The following WWC2 variants were observed in gnomAD, a reference collection of about 807,000 sequenced individuals.
WWC2 encodes the protein protein WWC2.
WWC2 carries 101 observed loss-of-function variants against 138.5 expected under a neutral mutation model. The observed-to-expected ratio is 0.73, with a 90% CI of 0.62 to 0.86. The LOEUF (loss-of-function observed/expected upper bound fraction) is 0.86, where lower values mean the gene tolerates loss of function less well. WWC2 is among the 40% of genes least tolerant of loss of function. WWC2 has a pLI of 0.00. For missense variants in WWC2, 1,420 were observed against 1,419.4 expected, an observed-to-expected ratio of 1.00 and a Z score of -0.01; for synonymous variants, 558 against 538.4, an observed-to-expected ratio of 1.04 and a Z score of -0.50.
At chr4:183,136,088 G>C (rs1249397340) in intron 1 of WWC2, among the ~76,000 whole-genome samples, 12 of 152,034 alleles carry the variant, frequency 7.9e-5, no homozygotes, top group Admixed American at 7.9e-4. Flanking sequence ...TATGGGTATA[G>C]ATTGCTTTCT....
intron 1 of WWC2, among the ~76,000 whole-genome samples, chr4:183,182,561 G>C (rs1020906281): frequency 2.0e-5 from 3 of 150,590 alleles, no homozygotes; most frequent in African/African-American, 7.5e-5. Flanking sequence ...AAGAGGTTCA[G>C]GTTAAAGTGT....
chr4:183,213,363 C>T (rs771330561), intron 4 of WWC2, among the ~76,000 whole-genome samples: 2 of 152,164 alleles, frequency 1.3e-5, no homozygotes, highest in South Asian at 2.1e-4. Flanking sequence ...GAATTAATGC[C>T]GTAGGAGTAG....
chr4:183,144,400 A>G (rs1295031099), intron 1 of WWC2, among the ~76,000 whole-genome samples: 1 of 151,206 alleles, frequency 6.6e-6, no homozygotes, highest in Non-Finnish European at 1.5e-5. Context: ...AAAAAACTGC[A>G]TTTTTTTTTA....
At chr4:183,230,268 A>G (rs979110849) in intron 4 of WWC2, among the ~76,000 whole-genome samples, 2 of 152,096 alleles carry the variant, frequency 1.3e-5, no homozygotes, top group African/African-American at 4.8e-5. Context: ...TGTTGGAGAA[A>G]AACTTAAAGC....
chr4:183,206,311 G>A (rs1185713452), intron 2 of WWC2, among the ~76,000 whole-genome samples: 3 of 151,826 alleles, frequency 2.0e-5, no homozygotes, highest in African/African-American at 7.3e-5. Context: ...TTAACCTTTT[G>A]TGTATCAAGC....
intron 1 of WWC2, among the ~76,000 whole-genome samples, chr4:183,184,302 T>G (rs1734731123): frequency 6.6e-6 from 1 of 152,232 alleles, no homozygotes; most frequent in South Asian, 2.1e-4. Flanking sequence ...GTAGCATGTA[T>G]AAGTACTTCA....
At chr4:183,161,863 T>C (rs1310780409) in intron 1 of WWC2, among the ~76,000 whole-genome samples, 7 of 152,192 alleles carry the variant, frequency 4.6e-5, no homozygotes, top group African/African-American at 1.7e-4. Context: ...AATATATCTC[T>C]GTTACTAAGC....
At chr4:183,243,790 T>C (rs7691096) in intron 5 of WWC2, among the ~76,000 whole-genome samples, 3,545 of 142,384 alleles carry the variant, frequency 0.025, 145 homozygotes, top group African/African-American at 0.087. Context: ...TGTGTGTGTG[T>C]GCATGTGTTT....
intron 11 of WWC2, 88 bp downstream of exon 11, chr4:183,261,620 G>T: frequency 2.2e-6 from 3 of 1,393,636 alleles, no homozygotes; most frequent in Non-Finnish European, 1.9e-6. Flanking sequence ...TAAACAAAGG[G>T]TATGATTCCC....
chr4:183,284,045 A>G (rs1010772913), intron 18 of WWC2, among the ~76,000 whole-genome samples, 181 bp from the exon 19 acceptor site: 3 of 152,150 alleles, frequency 2.0e-5, no homozygotes, highest in Non-Finnish European at 2.9e-5. Flanking sequence ...CTGAAGAACA[A>G]TTCTCCCCAG....
intron 1 of WWC2, among the ~76,000 whole-genome samples, chr4:183,138,786 GT>G (rs538463574): frequency 6.6e-6 from 1 of 151,912 alleles, no homozygotes; most frequent in African/African-American, 2.4e-5. Flanking sequence ...CAAGTTTTTT[GT>G]TTTTTTGTTT....
At chr4:183,222,177 G>A (rs1037273264) in intron 4 of WWC2, among the ~76,000 whole-genome samples, 9 of 152,050 alleles carry the variant, frequency 5.9e-5, no homozygotes, top group Non-Finnish European at 1.0e-4. Flanking sequence ...TTTTGTTGTC[G>A]TCCTGGTGGT....
intron 1 of WWC2, among the ~76,000 whole-genome samples, chr4:183,136,960 G>T (rs1733135071): frequency 6.7e-6 from 1 of 148,230 alleles, no homozygotes; most frequent in African/African-American, 2.4e-5. Context: ...GCATGTGATT[G>T]TACTGAATAC....
At position 183,243,790 on chromosome 4, in the gene WWC2, T is replaced by TGC. The variant is rs1553970801; in HGVS notation, c.603-1625_603-1624dup. 1.1e-4 allele frequency among the ~76,000 whole-genome samples: 15 copies of TGC among 142,394 alleles called. No individual in the cohort carries two copies. In the East Asian group the frequency reaches 2.5e-3, roughly 24 times the overall value. 93.4% of individuals were successfully genotyped at this position (142,394 alleles called of 152,430 possible). ...GTGTGTGTGTGTGTGTGTGTGTGTG[T>TGC]GCATGTGTTTAATCTGTGACTTGAT... On this transcript the variant is annotated intron_variant, in intron 5 of 22. Coordinates refer to ENST00000403733, the MANE Select transcript of WWC2 (RefSeq NM_024949.6).
chr4:183,186,364 AGT>A (rs1734800626), intron 1 of WWC2, among the ~76,000 whole-genome samples: 1 of 152,160 alleles, frequency 6.6e-6, no homozygotes, highest in African/African-American at 2.4e-5. Context: ...GTCTTTCAAG[AGT>A]GTATTCGTGA....
intron 4 of WWC2, among the ~76,000 whole-genome samples, chr4:183,232,758 C>G (rs2111291983): frequency 6.6e-6 from 1 of 152,294 alleles, no homozygotes; most frequent in South Asian, 2.1e-4. Context: ...AGTGATTCTC[C>G]TGTCTCAGCC....
chr4:183,147,917 A>G (rs1733510123), intron 1 of WWC2, among the ~76,000 whole-genome samples: 2 of 152,236 alleles, frequency 1.3e-5, no homozygotes, highest in African/African-American at 4.8e-5. Context: ...TTCAAAATGA[A>G]TGGCAACAGC....
At chr4:183,250,415 G>A (rs1736941910) in intron 8 of WWC2, among the ~76,000 whole-genome samples, 2 of 152,256 alleles carry the variant, frequency 1.3e-5, no homozygotes, top group South Asian at 4.2e-4. Flanking sequence ...TTGATTTGAA[G>A]GGAAGTCTTA....
At chr4:183,194,548 A>G (rs564371771) in intron 2 of WWC2, among the ~76,000 whole-genome samples, 1 of 152,272 alleles carries the variant, frequency 6.6e-6, no homozygotes, top group South Asian at 2.1e-4. Flanking sequence ...CTATTCTTAT[A>G]TTTAAAATTT....
Sources: gnomAD v4.1 joint callset for allele counts (sites outside exome capture counted in the v4.1 genomes callset) on GRCh38, gnomAD v4.1.1 for gene constraint, MANE v1.5 for transcripts, NCBI Gene and HGNC (gene_info 2026-07-23, HGNC 2026-07-21) for gene names.